CSNK2A2IP: variants seen among roughly 807,000 people sequenced by gnomAD.
The protein encoded by CSNK2A2IP is casein kinase II subunit alpha'-interacting protein.
chr3:88,403,418 G>A, the CSNK2A2IP span, among the ~76,000 whole-genome samples: 2 of 152,042 alleles, frequency 1.3e-5, no homozygotes, highest in African/African-American at 2.4e-5. Context: ...CTGAGAAAAA[G>A]ACCAGCTTGT....
the CSNK2A2IP span, among the ~76,000 whole-genome samples, chr3:88,436,642 G>A: frequency 6.6e-6 from 1 of 152,054 alleles, no homozygotes; most frequent in East Asian, 1.9e-4. Context: ...AATTAAAGCA[G>A]CACTGGACTG....
At chr3:88,449,854 C>CACAT in the CSNK2A2IP span, among the ~76,000 whole-genome samples, 3 of 84,438 alleles carry the variant, frequency 3.6e-5, no homozygotes, top group Admixed American at 2.3e-4. Flanking sequence ...CACACACACA[C>CACAT]ATATATATAT....
the CSNK2A2IP span, among the ~76,000 whole-genome samples, chr3:88,427,997 C>T: frequency 1.3e-5 from 2 of 152,290 alleles, no homozygotes; most frequent in Admixed American, 6.5e-5. Context: ...GCTGCAGACA[C>T]TCACTGCCAG....
the CSNK2A2IP span, among the ~76,000 whole-genome samples, chr3:88,454,215 C>T: frequency 6.6e-6 from 1 of 151,868 alleles, no homozygotes; most frequent in East Asian, 1.9e-4. Context: ...TACTTACATC[C>T]CATTCCAAAT....
At chr3:88,467,322 C>T in the CSNK2A2IP span, 3 of 399,428 alleles carry the variant, frequency 7.5e-6, no homozygotes, top group Non-Finnish European at 1.3e-5. Flanking sequence ...CCTCTCCTTC[C>T]AAAGAGTTTA....
chr3:88,420,904 C>G, the CSNK2A2IP span, among the ~76,000 whole-genome samples: 1 of 152,040 alleles, frequency 6.6e-6, no homozygotes, highest in Non-Finnish European at 1.5e-5. Flanking sequence ...GTTGGGGAAA[C>G]TATAACAGTC....
the CSNK2A2IP span, among the ~76,000 whole-genome samples, chr3:88,457,735 TAAAATA>T: frequency 6.6e-6 from 1 of 150,450 alleles, no homozygotes; most frequent in Non-Finnish European, 1.5e-5. Flanking sequence ...TAAAATAAAA[TAAAATA>T]AAATAAAATA....
chr3:88,455,384 T>G, the CSNK2A2IP span, among the ~76,000 whole-genome samples: 4 of 152,100 alleles, frequency 2.6e-5, no homozygotes, highest in Non-Finnish European at 5.9e-5. Flanking sequence ...TTTGACTGTT[T>G]GATAAAAGCC....
the CSNK2A2IP span, among the ~76,000 whole-genome samples, chr3:88,418,283 T>A: frequency 2.6e-5 from 4 of 152,124 alleles, no homozygotes; most frequent in East Asian, 2.0e-4. Flanking sequence ...TTTCTTTTTT[T>A]AAAAAAAGAA....
the CSNK2A2IP span, among the ~76,000 whole-genome samples, chr3:88,340,472 TA>T: frequency 6.6e-6 from 1 of 152,004 alleles, no homozygotes; most frequent in Non-Finnish European, 1.5e-5. Context: ...AATAGTTATT[TA>T]AAATTCCTCA....
the CSNK2A2IP span, among the ~76,000 whole-genome samples, chr3:88,413,243 A>G: frequency 0.017 from 2,554 of 152,040 alleles, 108 homozygotes; most frequent in African/African-American, 0.059. Context: ...AAAAAACATC[A>G]GATATATCTG....
the CSNK2A2IP span, among the ~76,000 whole-genome samples, chr3:88,389,270 G>A: frequency 6.6e-6 from 1 of 152,062 alleles, no homozygotes; most frequent in Non-Finnish European, 1.5e-5. Context: ...AGAAAATGAG[G>A]ACGTTAGTTA....
chr3:88,465,935 C>A, the CSNK2A2IP span: 1 of 1,231,438 alleles, frequency 8.1e-7, no homozygotes, highest in Non-Finnish European at 1.0e-6. Flanking sequence ...CAAGAAATAC[C>A]TTCCATAAAC....
chr3:88,449,854 C>CACACACAT, the CSNK2A2IP span, among the ~76,000 whole-genome samples: 3 of 84,442 alleles, frequency 3.6e-5, no homozygotes, highest in African/African-American at 1.2e-4. Flanking sequence ...CACACACACA[C>CACACACAT]ATATATATAT....
chr3:88,401,133 G>A, the CSNK2A2IP span, among the ~76,000 whole-genome samples: 4 of 152,086 alleles, frequency 2.6e-5, no homozygotes, highest in African/African-American at 9.7e-5. Context: ...ATTAGGCAAA[G>A]CATTTAAGAC....
the CSNK2A2IP span, among the ~76,000 whole-genome samples, chr3:88,367,647 G>A: frequency 3.3e-5 from 5 of 151,994 alleles, no homozygotes; most frequent in Non-Finnish European, 7.4e-5. Flanking sequence ...AGATCCCTAA[G>A]TCTGAACAGG....
At chr3:88,371,351 A>G in the CSNK2A2IP span, among the ~76,000 whole-genome samples, 3 of 151,824 alleles carry the variant, frequency 2.0e-5, no homozygotes, top group Non-Finnish European at 4.4e-5. Flanking sequence ...TTAATAGAGA[A>G]ATGAAAACTA....
the CSNK2A2IP span, among the ~76,000 whole-genome samples, chr3:88,370,156 G>T: frequency 1.6e-3 from 249 of 151,954 alleles, no homozygotes; most frequent in Middle Eastern, 0.01. Context: ...AGCTGTGCCA[G>T]CCTAAATAAC....
At chr3:88,350,287 A>G in the CSNK2A2IP span, among the ~76,000 whole-genome samples, 2 of 152,038 alleles carry the variant, frequency 1.3e-5, no homozygotes, top group Non-Finnish European at 1.5e-5. Flanking sequence ...TCTCTGAGTT[A>G]CCAATTCAGT....
Sources: gnomAD v4.1 joint callset for allele counts (sites outside exome capture counted in the v4.1 genomes callset) on GRCh38, gnomAD v4.1.1 for gene constraint, MANE v1.5 for transcripts, NCBI Gene and HGNC (gene_info 2026-07-23, HGNC 2026-07-21) for gene names.